Variants in MYOCOS observed in about 807,000 individuals in gnomAD.
MYOCOS encodes myocilin opposite strand.
intron 1 of MYOCOS, among the ~76,000 whole-genome samples, chr1:171,612,605 C>A (rs1238043239): frequency 6.6e-6 from 1 of 151,692 alleles, no homozygotes; most frequent in Admixed American, 6.6e-5. Context: ...GTGGGTGGAT[C>A]ACTTGAGGTC....
chr1:171,619,307 T>C (rs1037089454), upstream of MYOCOS, among the ~76,000 whole-genome samples: 4 of 152,184 alleles, frequency 2.6e-5, no homozygotes, highest in African/African-American at 9.7e-5. Context: ...GACTTCTCCT[T>C]GTATGAAATG....
intron 1 of MYOCOS, among the ~76,000 whole-genome samples, chr1:171,604,679 A>G (rs1652210443): frequency 6.6e-6 from 1 of 152,234 alleles, no homozygotes; most frequent in Non-Finnish European, 1.5e-5. Flanking sequence ...AATAAACAGC[A>G]TAGGATAGGA....
chr1:171,617,279 C>A (rs1010412574), upstream of MYOCOS, among the ~76,000 whole-genome samples: 4 of 152,072 alleles, frequency 2.6e-5, no homozygotes, highest in Admixed American at 2.0e-4. Context: ...TGGAACCTGA[C>A]CCTGAGCATG....
chr1:171,606,597 T>C (rs1652247155), intron 1 of MYOCOS, among the ~76,000 whole-genome samples: 1 of 152,240 alleles, frequency 6.6e-6, no homozygotes, highest in Non-Finnish European at 1.5e-5. Context: ...TGTTTCATTC[T>C]GACTACCAGT....
At chr1:171,619,377 C>G (rs2102937748), upstream of MYOCOS, among the ~76,000 whole-genome samples, 1 of 152,250 alleles carries the variant, frequency 6.6e-6, no homozygotes, top group South Asian at 2.1e-4. Flanking sequence ...ATGACACATC[C>G]TAAAGGATGG....
rs1401714698 is a variant in MYOCOS, at chr1:171,626,778, G to T, written c.*177G>T. Reference sequence around the variant, plus strand: ...TTGCTAATAGACTTAGTCATTTTTGGTTTTTTAATCCAAGTCTCTGATATG... The same window carrying T: ...TTGCTAATAGACTTAGTCATTTTTGTTTTTTTAATCCAAGTCTCTGATATG... On this transcript the variant is annotated 3_prime_UTR_variant, in exon 3 of 3. Coordinates refer to ENST00000637642, the MANE Select transcript of MYOCOS (RefSeq NM_001391940.1). 2.0e-5 allele frequency: 8 copies of T among 392,928 alleles called. No homozygotes were observed. Among genetic ancestry groups the T allele is most frequent in the Admixed American group, 4.4e-5 (1 of 22,590 alleles). 24.3% of individuals were successfully genotyped at this position (392,928 alleles called of 1,614,324 possible).
At chr1:171,622,974 A>G (rs1558082630) in intron 1 of MYOCOS, among the ~76,000 whole-genome samples, 3 of 152,206 alleles carry the variant, frequency 2.0e-5, no homozygotes, top group African/African-American at 4.8e-5. Flanking sequence ...CATGCCTGCA[A>G]TCCCAGCACT....
chr1:171,621,299 C>T (rs181370049), upstream of MYOCOS, among the ~76,000 whole-genome samples: 251 of 151,140 alleles, frequency 1.7e-3, 1 homozygote, highest in Non-Finnish European at 2.9e-3. Flanking sequence ...ATATATAGAC[C>T]TTGTGTAGAC....
chr1:171,621,543 T>G (rs948837439), upstream of MYOCOS, among the ~76,000 whole-genome samples: 4 of 151,448 alleles, frequency 2.6e-5, no homozygotes, highest in African/African-American at 9.7e-5. Flanking sequence ...GCCTGGCTAA[T>G]TTTTTGTATT....
intron 1 of MYOCOS, among the ~76,000 whole-genome samples, chr1:171,623,469 G>A (rs1228393131): frequency 6.6e-6 from 1 of 152,156 alleles, no homozygotes; most frequent in African/African-American, 2.4e-5. Context: ...GGCGCCATTA[G>A]AGAGGAACCA....
At chr1:171,625,885 G>A (rs1052541657) in intron 2 of MYOCOS, among the ~76,000 whole-genome samples, 11 of 152,222 alleles carry the variant, frequency 7.2e-5, no homozygotes, top group African/African-American at 2.4e-4. Flanking sequence ...GGATGGAGGA[G>A]TGAGGGTGCA....
upstream of MYOCOS, among the ~76,000 whole-genome samples, chr1:171,617,820 G>A (rs994013952): frequency 1.3e-5 from 2 of 152,124 alleles, no homozygotes; most frequent in Non-Finnish European, 2.9e-5. Flanking sequence ...ATAAAGAGAC[G>A]GGAGAATTGT....
At chr1:171,617,606 G>C (rs1157771790), upstream of MYOCOS, among the ~76,000 whole-genome samples, 1 of 152,128 alleles carries the variant, frequency 6.6e-6, no homozygotes, top group African/African-American at 2.4e-5. Context: ...TGAGTGATAC[G>C]AGACATGTTT....
At chr1:171,622,393 T>C (rs980259049) in intron 1 of MYOCOS, 61 bp downstream of exon 1, 3 of 152,186 alleles carry the variant, frequency 2.0e-5, no homozygotes, top group Non-Finnish European at 4.4e-5. Flanking sequence ...CCCAAGTTCC[T>C]GAGAGAGACT....
chr1:171,611,124 C>A (rs1652344632), intron 1 of MYOCOS, among the ~76,000 whole-genome samples: 1 of 152,210 alleles, frequency 6.6e-6, no homozygotes, highest in Admixed American at 6.5e-5. Context: ...TTAGGGCCAC[C>A]CTGAGAAGAG....
intron 1 of MYOCOS, among the ~76,000 whole-genome samples, chr1:171,608,700 C>G (rs1207048905): frequency 6.6e-6 from 1 of 152,058 alleles, no homozygotes; most frequent in Non-Finnish European, 1.5e-5. Flanking sequence ...GGATTACAGG[C>G]GTGAGCCACC....
upstream of MYOCOS, among the ~76,000 whole-genome samples, chr1:171,621,588 G>A (rs542643305): frequency 4.7e-4 from 72 of 152,060 alleles, no homozygotes; most frequent in Middle Eastern, 3.4e-3. Context: ...TGTTAGCCAG[G>A]ATGGTCTCAA....
chr1:171,601,295 T>A (rs890001559), intron 1 of MYOCOS, among the ~76,000 whole-genome samples: 1 of 152,214 alleles, frequency 6.6e-6, no homozygotes, highest in Non-Finnish European at 1.5e-5. Context: ...ACTTTTGTTC[T>A]GGTTTTGACT....
chr1:171,618,571 G>A (rs1326493678), upstream of MYOCOS, among the ~76,000 whole-genome samples: 2 of 151,852 alleles, frequency 1.3e-5, no homozygotes, highest in African/African-American at 4.8e-5. Flanking sequence ...TTGTTTGTTT[G>A]TTTGTTTGTT....
Sources: allele counts gnomAD v4.1 joint callset (sites outside exome capture counted in the v4.1 genomes callset), GRCh38; gene constraint gnomAD v4.1.1; transcripts MANE v1.5; gene names NCBI Gene and HGNC (gene_info 2026-07-23, HGNC 2026-07-21).